Variants in AGBL2 observed in about 807,000 individuals in gnomAD.
AGBL2 encodes cytosolic carboxypeptidase 2.
A neutral mutation model predicts 103.0 loss-of-function variants in AGBL2; 87 were observed. The observed-to-expected ratio is 0.84, with a 90% CI of 0.71 to 1.01. The LOEUF (loss-of-function observed/expected upper bound fraction) is 1.01, where lower values mean the gene tolerates loss of function less well. Ranked by LOEUF, AGBL2 falls within the 50% of genes least tolerant of loss-of-function variation. AGBL2 has a pLI of 0.00. For missense variants in AGBL2, 904 were observed against 1,023.5 expected (o/e 0.88, Z 1.59); for synonymous variants, 335 against 356.7 (o/e 0.94, Z 0.69).
intron 3 of AGBL2, among the ~76,000 whole-genome samples, chr11:47,712,482 G>C (rs959765361): frequency 9.2e-5 from 14 of 152,156 alleles, no homozygotes; most frequent in Non-Finnish European, 1.9e-4. Context: ...TTTATTGGGA[G>C]ACATTAAAGA....
At chr11:47,665,109 G>A (rs1017938760) in intron 17 of AGBL2, among the ~76,000 whole-genome samples, 6 of 150,248 alleles carry the variant, frequency 4.0e-5, no homozygotes, top group East Asian at 1.9e-4. Context: ...CAAGCTGGGC[G>A]CAATCTCAGC....
At chr11:47,709,219 A>C (rs1214277336) in intron 4 of AGBL2, among the ~76,000 whole-genome samples, 1 of 152,202 alleles carries the variant, frequency 6.6e-6, no homozygotes, top group Non-Finnish European at 1.5e-5. Context: ...TTTGCATATA[A>C]AAAACACTGC....
intron 10 of AGBL2, among the ~76,000 whole-genome samples, chr11:47,687,781 T>TTCTTTCTTTTTTCTTTTCTA (rs2097429780): frequency 6.6e-6 from 1 of 151,770 alleles, no homozygotes; most frequent in Non-Finnish European, 1.5e-5. Context: ...AGGTATTTCT[T>TTCTTTCTTTTTTCTTTTCTA]TCTTTCTTTT....
chr11:47,675,335 G>A (rs2097371117), intron 14 of AGBL2, among the ~76,000 whole-genome samples: 2 of 138,626 alleles, frequency 1.4e-5, no homozygotes, highest in African/African-American at 5.4e-5. Context: ...AGCTTCTTAA[G>A]TAGCTAGGAC....
chr11:47,696,882 T>TC (rs1480685066), intron 8 of AGBL2, among the ~76,000 whole-genome samples: 2 of 152,188 alleles, frequency 1.3e-5, no homozygotes, highest in African/African-American at 2.4e-5. Flanking sequence ...TTTGTTTTTC[T>TC]CCATCAGTTT....
At chr11:47,666,709 A>C (rs2097342259) in intron 17 of AGBL2, 1 of 601,410 alleles carries the variant, frequency 1.7e-6, no homozygotes, top group East Asian at 2.8e-5. Flanking sequence ...ATGGTAAGTA[A>C]GGCAGCCTGT....
chr11:47,689,440 G>T (rs2097436465), intron 10 of AGBL2, among the ~76,000 whole-genome samples: 1 of 151,852 alleles, frequency 6.6e-6, no homozygotes, highest in South Asian at 2.1e-4. Context: ...CAGTAGCTGG[G>T]ATTACAGGCA....
rs746037069 is a variant in AGBL2, at chr11:47,705,911, A to C, written c.239T>G (p.Ile80Ser). The change falls in exon 5 of 19, where the codon ATC becomes AGC. Residue 80 changes from isoleucine to serine, a missense_variant. Transcript: ENST00000525123. ...TLQKEKLLWP[I>S]SLSSAVHRQI... Reference sequence around the variant, plus strand: ...TCTGTGCACAGCTGAAGATAAACTGATAGGCCCTAGAAAGAGGAAGAGGAG... The same window carrying C: ...TCTGTGCACAGCTGAAGATAAACTGCTAGGCCCTAGAAAGAGGAAGAGGAG... 1.2e-5 allele frequency: 19 copies of C among 1,613,880 alleles called. No homozygotes were observed. The highest frequency in any genetic ancestry group is 1.5e-5 in the Non-Finnish European group (18 of 1,179,968).
intron 15 of AGBL2, 116 bp downstream of exon 15, chr11:47,668,725 A>G: frequency 1.3e-6 from 1 of 754,656 alleles, no homozygotes; most frequent in Non-Finnish European, 2.3e-6. Context: ...TAGTTAGGAC[A>G]TTACTGTATA....
chr11:47,691,262 T>C (rs912195726), intron 9 of AGBL2, among the ~76,000 whole-genome samples: 3 of 151,722 alleles, frequency 2.0e-5, no homozygotes, highest in Non-Finnish European at 4.4e-5. Flanking sequence ...AGACTCCATC[T>C]TGAGGAAAAA....
intron 11 of AGBL2, among the ~76,000 whole-genome samples, chr11:47,685,606 G>A (rs1392537067): frequency 2.0e-5 from 3 of 151,868 alleles, no homozygotes; most frequent in African/African-American, 4.8e-5. Context: ...ATTTTTAATA[G>A]AGATGGGGTT....
intron 7 of AGBL2, among the ~76,000 whole-genome samples, chr11:47,701,908 G>A (rs1461288103): frequency 6.6e-6 from 1 of 150,736 alleles, no homozygotes; most frequent in Non-Finnish European, 1.5e-5. Context: ...GGGAGGCGGA[G>A]GTTGCAGTGA....
chr11:47,692,403 T>TA, intron 8 of AGBL2, 147 bp from the exon 9 acceptor site: 6 of 250,802 alleles, frequency 2.4e-5, no homozygotes, highest in East Asian at 1.5e-4. Context: ...AGACTTTTAA[T>TA]CTTTTTTTTT....
At chr11:47,698,901 T>C (rs1287897828) in intron 8 of AGBL2, among the ~76,000 whole-genome samples, 2 of 150,806 alleles carry the variant, frequency 1.3e-5, no homozygotes, top group Non-Finnish European at 2.9e-5. Flanking sequence ...GCCTAACATA[T>C]GGTTTATCCT....
At position 47,669,699 on chromosome 11, in the gene AGBL2, T is replaced by A. The variant is rs572285867; in HGVS notation, c.2148-792A>T. ...TCTCAATAAAAAAAAAAAAGAAAAA[T>A]TTTTTTTTGAGACAGAGTCTCCCTA... On this transcript the variant is annotated intron_variant, in intron 14 of 18. Transcript: ENST00000525123. 2.3e-3 allele frequency among the ~76,000 whole-genome samples: 345 copies of A among 151,150 alleles called. 1 individual carries two copies. Among genetic ancestry groups the A allele is most frequent in the Middle Eastern group, 6.8e-3 (2 of 292 alleles).
At chr11:47,678,723 G>A (rs1435366436) in intron 13 of AGBL2, among the ~76,000 whole-genome samples, 1 of 151,766 alleles carries the variant, frequency 6.6e-6, no homozygotes, top group Non-Finnish European at 1.5e-5. Flanking sequence ...CATAGGGGAA[G>A]TCAACAAGTG....
chr11:47,663,216 T>C (rs2097332531), intron 17 of AGBL2, 104 bp from the exon 18 acceptor site: 1 of 720,436 alleles, frequency 1.4e-6, no homozygotes, highest in South Asian at 1.9e-5. Context: ...TGTTGATTCA[T>C]TGTGATATTC....
rs2097544679 is a variant in AGBL2, at chr11:47,714,540, T to C, written c.33+78A>G. 2.0e-6 allele frequency: 3 copies of C among 1,485,084 alleles called. No individual in the cohort carries two copies. The South Asian group carries it at 3.4e-5, about 17-fold the overall frequency. The allele number at this position is 1,485,084 out of a possible 1,614,324, so 92.0% of individuals were successfully genotyped here. On this transcript the variant is annotated intron_variant, in intron 2 of 18. Coordinates refer to ENST00000525123, the MANE Select transcript of AGBL2 (RefSeq NM_024783.4). ...CACCAGAACATCCCTTCTCATCTAG[T>C]AGCAGATTTCTGTGGAGTTCCCGAA...
At chr11:47,700,026 C>A (rs1470676534) in intron 7 of AGBL2, among the ~76,000 whole-genome samples, 1 of 151,770 alleles carries the variant, frequency 6.6e-6, no homozygotes, top group Admixed American at 6.6e-5. Context: ...GGTGCAATCT[C>A]GGCTCACCGC....
Sources: allele counts gnomAD v4.1 joint callset (sites outside exome capture counted in the v4.1 genomes callset), GRCh38; gene constraint gnomAD v4.1.1; transcripts MANE v1.5; gene names NCBI Gene and HGNC (gene_info 2026-07-23, HGNC 2026-07-21).